CPPED1: variants seen among roughly 807,000 people sequenced by gnomAD.
The protein encoded by CPPED1 is serine/threonine-protein phosphatase CPPED1.
Under a neutral mutation model 28.0 loss-of-function variants are expected in CPPED1, and 28 were observed. The ratio of observed to expected loss-of-function variants is 1.00; its 90% CI spans 0.74 to 1.37. The LOEUF (loss-of-function observed/expected upper bound fraction) is 1.37, where lower values mean the gene tolerates loss of function less well. Ranked by LOEUF, CPPED1 falls within the 40% of genes most tolerant of loss-of-function variation. The pLI, the probability that CPPED1 is intolerant of heterozygous loss-of-function variation, is 0.00. For synonymous variants in CPPED1, 198 were observed against 180.2 expected, an observed-to-expected ratio of 1.10 and a Z score of -0.79; for missense variants, 504 against 416.5, an observed-to-expected ratio of 1.21 and a Z score of -1.83.
rs55848318 is a variant in CPPED1, at chr16:12,761,276, CAA to C, written c.289+19907_289+19908del. The C allele has an allele frequency of 8.9e-3, 615 of 69,342 alleles. 1 individual carries two copies. The highest frequency in any genetic ancestry group is 0.029 in the Middle Eastern group (4 of 140). The allele number at this position is 69,342 out of a possible 1,614,324, so 4.3% of individuals were successfully genotyped here. A position where few individuals can be genotyped will look rare whatever the true frequency, so the allele number is the denominator to read the frequency against. ...TGGGAGACAGAGCCAGACTCTGTCT[CAA>C]AAAAAAAAAAAAAAAGAAAAAGAAA... On this transcript the variant is annotated intron_variant, in intron 2 of 3. Transcript: ENST00000381774.
chr16:12,759,656 G>A (rs1368022591), intron 2 of CPPED1, among the ~76,000 whole-genome samples: 3 of 152,224 alleles, frequency 2.0e-5, no homozygotes, highest in South Asian at 4.1e-4. Flanking sequence ...GGGTCGGGGG[G>A]TGGTGTGGTT....
chr16:12,741,417 C>T (rs375870367), intron 2 of CPPED1, among the ~76,000 whole-genome samples: 57 of 150,806 alleles, frequency 3.8e-4, no homozygotes, highest in Admixed American at 3.3e-4. Context: ...GATAAAGGGA[C>T]GCCATTCACT....
chr16:12,735,594 G>T (rs1487430236), intron 2 of CPPED1, among the ~76,000 whole-genome samples: 1 of 152,156 alleles, frequency 6.6e-6, no homozygotes, highest in Non-Finnish European at 1.5e-5. Context: ...ACGAGCCACC[G>T]TGCCTGGCAC....
intron 2 of CPPED1, chr16:12,753,782 C>G (rs1184739558): frequency 5.3e-5 from 8 of 152,236 alleles, no homozygotes; most frequent in South Asian, 4.2e-4. Flanking sequence ...TACAGGAGCC[C>G]CCTCTCATTT....
intron 3 of CPPED1, among the ~76,000 whole-genome samples, chr16:12,666,110 C>T (rs1045230329): frequency 2.6e-5 from 4 of 151,966 alleles, no homozygotes; most frequent in African/African-American, 9.7e-5. Context: ...GAGCAAGACT[C>T]CATCTCAAAA....
At chr16:12,751,537 A>G (rs1442367372) in intron 2 of CPPED1, among the ~76,000 whole-genome samples, 1 of 152,182 alleles carries the variant, frequency 6.6e-6, no homozygotes, top group Non-Finnish European at 1.5e-5. Flanking sequence ...TCCTGCAGCC[A>G]TTTTGTAAGC....
intron 3 of CPPED1, among the ~76,000 whole-genome samples, chr16:12,690,872 G>C (rs986491494): frequency 6.6e-6 from 1 of 152,166 alleles, no homozygotes; most frequent in African/African-American, 2.4e-5. Flanking sequence ...GGATATCCCA[G>C]TGCTGAGCCT....
chr16:12,748,882 CA>C (rs35776807), intron 2 of CPPED1, among the ~76,000 whole-genome samples: 69 of 134,978 alleles, frequency 5.1e-4, no homozygotes, highest in Admixed American at 6.0e-4. Context: ...GACTCCATCT[CA>C]AAAAAAAAAA....
chr16:12,760,499 G>A (rs2080402653), intron 2 of CPPED1: 1 of 152,506 alleles, frequency 6.6e-6, no homozygotes, highest in Non-Finnish European at 1.5e-5. Context: ...ATATACTACT[G>A]CTGGGGGCCT....
At chr16:12,756,577 C>T (rs935433590) in intron 2 of CPPED1, among the ~76,000 whole-genome samples, 9 of 152,002 alleles carry the variant, frequency 5.9e-5, no homozygotes, top group African/African-American at 2.2e-4. Flanking sequence ...CATGGTGGAG[C>T]ACACCTGTCA....
rs539421494 is a variant in CPPED1 at position 12,792,698 on chromosome 16, C to A, written c.70+11009G>T. Reference sequence around the variant, plus strand: ...GGGGGCTGGTCTTTCCCATGCTGTTCGCATGATAGTGAATAAGTCTCACGA... The same window carrying A: ...GGGGGCTGGTCTTTCCCATGCTGTTAGCATGATAGTGAATAAGTCTCACGA... On this transcript the variant is annotated intron_variant, in intron 1 of 3. Coordinates refer to ENST00000381774, the MANE Select transcript of CPPED1 (RefSeq NM_018340.3). 4.1e-4 allele frequency among the ~76,000 whole-genome samples: 63 copies of A among 152,214 alleles called. No homozygotes were observed. In the South Asian group the frequency reaches 4.1e-3, roughly 10 times the overall value.
intron 3 of CPPED1, among the ~76,000 whole-genome samples, chr16:12,701,404 C>A (rs543923722): frequency 1.3e-5 from 2 of 152,126 alleles, no homozygotes; most frequent in Non-Finnish European, 1.5e-5. Context: ...CATGGTGGTG[C>A]GCGCCTGTAA....
At chr16:12,777,496 G>A (rs2080504436) in intron 2 of CPPED1, among the ~76,000 whole-genome samples, 4 of 152,170 alleles carry the variant, frequency 2.6e-5, no homozygotes, top group African/African-American at 7.2e-5. Flanking sequence ...TTGCACAAAT[G>A]TTCACTTGCT....
chr16:12,672,375 C>T (rs569866102), intron 3 of CPPED1, among the ~76,000 whole-genome samples: 2 of 152,280 alleles, frequency 1.3e-5, no homozygotes, highest in South Asian at 4.1e-4. Context: ...CAATGTGCAT[C>T]ACAGTACCGT....
intron 3 of CPPED1, among the ~76,000 whole-genome samples, chr16:12,693,093 C>T (rs1277452512): frequency 1.3e-5 from 2 of 152,226 alleles, no homozygotes; most frequent in Non-Finnish European, 2.9e-5. Flanking sequence ...CTGCTCCTTA[C>T]AACTGACGTG....
At chr16:12,677,978 G>T (rs1186623401) in intron 3 of CPPED1, among the ~76,000 whole-genome samples, 1 of 152,184 alleles carries the variant, frequency 6.6e-6, no homozygotes, top group Non-Finnish European at 1.5e-5. Flanking sequence ...AAGCTTGTGG[G>T]CATGGCTGTG....
In CPPED1 at chr16:12,751,512, T is replaced by TGTGATGGCTGCAGGA. The variant is rs1246414740; in HGVS notation, c.289+29672_289+29673insTCCTGCAGCCATCAC. Among the ~76,000 whole-genome samples the TGTGATGGCTGCAGGA allele has an allele frequency of 4.6e-5, 7 of 152,318 alleles. No individual in the cohort carries two copies. In the East Asian group the frequency reaches 1.4e-3, roughly 29 times the overall value. On this transcript the variant is annotated intron_variant, in intron 2 of 3. Coordinates refer to ENST00000381774, the MANE Select transcript of CPPED1 (RefSeq NM_018340.3). Reference sequence around the variant, plus strand: ...CCTTTCCTCCTTCGTAGAATACAGATGTGATGGCTGCAGCTCCTGCAGCCA... The same window carrying TGTGATGGCTGCAGGA: ...CCTTTCCTCCTTCGTAGAATACAGATGTGATGGCTGCAGGAGTGATGGCTGCAGCTCCTGCAGCCA...
chr16:12,716,234 T>C (rs1277600267), intron 2 of CPPED1, among the ~76,000 whole-genome samples: 1 of 152,260 alleles, frequency 6.6e-6, no homozygotes, highest in Non-Finnish European at 1.5e-5. Context: ...CTCTCCTGTA[T>C]TTACCTTCTT....
At chr16:12,716,865 G>A (rs1311569691) in intron 2 of CPPED1, among the ~76,000 whole-genome samples, 1 of 151,694 alleles carries the variant, frequency 6.6e-6, no homozygotes, top group Non-Finnish European at 1.5e-5. Context: ...CATGGGAACA[G>A]GCAATGACCT....
Sources: allele counts gnomAD v4.1 joint callset (sites outside exome capture counted in the v4.1 genomes callset), GRCh38; gene constraint gnomAD v4.1.1; transcripts MANE v1.5; gene names NCBI Gene and HGNC (gene_info 2026-07-23, HGNC 2026-07-21).